PHACTR1: variants seen among roughly 807,000 people sequenced by gnomAD.
PHACTR1 encodes RPEL repeat containing 1.
PHACTR1 carries 16 observed loss-of-function variants against 69.2 expected under a neutral mutation model. The ratio of observed to expected loss-of-function variants is 0.23; its 90% CI spans 0.16 to 0.35. PHACTR1 has a LOEUF of 0.35. PHACTR1 is among the 10% of genes least tolerant of loss of function. The probability of loss-of-function intolerance (pLI) is 1.00; values close to 1 mark genes in which losing one functional copy is unlikely to be tolerated. For missense variants in PHACTR1, 510 were observed against 734.7 expected (o/e 0.69, Z 3.54); for synonymous variants, 312 against 284.5 (o/e 1.10, Z -0.97).
chr6:12,759,654 A>C (rs556762281), intron 4 of PHACTR1, among the ~76,000 whole-genome samples: 1 of 152,192 alleles, frequency 6.6e-6, no homozygotes, highest in Non-Finnish European at 1.5e-5. Context: ...AAGGAAAAAA[A>C]TGAATGTAAT....
intron 4 of PHACTR1, among the ~76,000 whole-genome samples, chr6:12,948,244 C>T (rs1293323095): frequency 2.0e-5 from 3 of 152,068 alleles, no homozygotes; most frequent in Non-Finnish European, 4.4e-5. Context: ...TGTACAGAGC[C>T]CCTGAGATTA....
chr6:12,762,267 A>G (rs1768105242), intron 4 of PHACTR1, among the ~76,000 whole-genome samples: 1 of 152,158 alleles, frequency 6.6e-6, no homozygotes, highest in South Asian at 2.1e-4. Context: ...CTAAACTATG[A>G]ATTTTATTAA....
At chr6:13,257,259 AG>A (rs1197361200) in intron 10 of PHACTR1, among the ~76,000 whole-genome samples, 1 of 152,210 alleles carries the variant, frequency 6.6e-6, no homozygotes, top group Non-Finnish European at 1.5e-5. Context: ...TCAGGAGAAC[AG>A]CACCAAGGGA....
rs529540622 is a variant in PHACTR1, at chr6:13,046,818, A to C, written c.251-6547A>C. Among the ~76,000 whole-genome samples the C allele has an allele frequency of 7.9e-5, 12 of 152,190 alleles. No homozygotes were observed. In the East Asian group the frequency reaches 2.1e-3, roughly 27 times the overall value. ...AACATGTTTTACTCTTTAAAAAAAA[A>C]AAAAATCAAAAAACAACAACAAAAA... On this transcript the variant is annotated intron_variant, in intron 4 of 14. Coordinates refer to ENST00000332995, the MANE Select transcript of PHACTR1 (RefSeq NM_030948.6).
At chr6:13,145,712 G>A (rs904858243) in intron 5 of PHACTR1, among the ~76,000 whole-genome samples, 7 of 152,180 alleles carry the variant, frequency 4.6e-5, no homozygotes, top group African/African-American at 1.7e-4. Flanking sequence ...GAAAGGCCTC[G>A]TGAACACACA....
intron 8 of PHACTR1, among the ~76,000 whole-genome samples, chr6:13,219,435 C>T (rs1048893452): frequency 1.3e-5 from 2 of 152,084 alleles, no homozygotes; most frequent in Non-Finnish European, 2.9e-5. Context: ...ATGGGAGGAG[C>T]GTGGTGGTGA....
At chr6:12,956,037 T>C (rs549410531) in intron 4 of PHACTR1, among the ~76,000 whole-genome samples, 1 of 152,286 alleles carries the variant, frequency 6.6e-6, no homozygotes, top group South Asian at 2.1e-4. Flanking sequence ...CTTACAATAG[T>C]GGAGGAAGGC....
intron 4 of PHACTR1, among the ~76,000 whole-genome samples, chr6:12,890,134 G>A (rs1470670286): frequency 3.3e-5 from 5 of 152,146 alleles, no homozygotes; most frequent in Non-Finnish European, 7.3e-5. Context: ...TCATAGGAAC[G>A]TGAACCCTAT....
intron 3 of PHACTR1, among the ~76,000 whole-genome samples, chr6:12,720,762 GC>G (rs1428321208): frequency 6.6e-6 from 1 of 152,190 alleles, no homozygotes; most frequent in Non-Finnish European, 1.5e-5. Flanking sequence ...CTGTGAATTT[GC>G]ATTTTAAGCA....
At chr6:12,950,172 C>G (rs191376374) in intron 4 of PHACTR1, among the ~76,000 whole-genome samples, 2 of 152,328 alleles carry the variant, frequency 1.3e-5, no homozygotes, top group Admixed American at 6.5e-5. Context: ...CAGGCAGCAA[C>G]TGTTGAAGGG....
At chr6:12,801,405 T>G (rs919403067) in intron 4 of PHACTR1, among the ~76,000 whole-genome samples, 2 of 152,170 alleles carry the variant, frequency 1.3e-5, no homozygotes, top group Admixed American at 6.5e-5. Context: ...CAACTATGTA[T>G]GGCTTGGCCA....
chr6:13,098,645 C>T (rs901420894), intron 5 of PHACTR1, among the ~76,000 whole-genome samples: 56 of 152,220 alleles, frequency 3.7e-4, no homozygotes, highest in Admixed American at 9.8e-4. Flanking sequence ...GTGTCTCCTT[C>T]CTCCGTAAAT....
At chr6:13,098,664 A>C (rs114185611) in intron 5 of PHACTR1, among the ~76,000 whole-genome samples, 2,362 of 152,272 alleles carry the variant, frequency 0.016, 52 homozygotes, top group African/African-American at 0.051. Context: ...ATGGCCTGAC[A>C]TCCACTCTTT....
At chr6:13,260,367 A>C (rs1775747143) in intron 10 of PHACTR1, among the ~76,000 whole-genome samples, 1 of 152,250 alleles carries the variant, frequency 6.6e-6, no homozygotes, top group East Asian at 1.9e-4. Context: ...AAGGGAGTGA[A>C]GGTAAATGAG....
intron 4 of PHACTR1, among the ~76,000 whole-genome samples, chr6:13,025,671 T>TTGTGTGTG (rs60800778): frequency 0.14 from 19,876 of 140,096 alleles, 1,536 homozygotes; most frequent in South Asian, 0.18. Context: ...CATATATTAT[T>TTGTGTGTG]TGTGTGTGTG....
At chr6:12,960,636 A>G (rs1198323930) in intron 4 of PHACTR1, among the ~76,000 whole-genome samples, 1 of 152,212 alleles carries the variant, frequency 6.6e-6, no homozygotes, top group Non-Finnish European at 1.5e-5. Context: ...TTGTCTCCGG[A>G]CAGCCCCAAA....
intron 8 of PHACTR1, among the ~76,000 whole-genome samples, chr6:13,218,793 G>A (rs1435045954): frequency 4.0e-5 from 6 of 150,858 alleles, no homozygotes; most frequent in Non-Finnish European, 8.9e-5. Flanking sequence ...GAAGAAGAAG[G>A]AGGAGGAGAA....
chr6:12,853,107 T>C (rs934309154), intron 4 of PHACTR1, among the ~76,000 whole-genome samples: 8 of 152,210 alleles, frequency 5.3e-5, no homozygotes, highest in African/African-American at 1.7e-4. Flanking sequence ...GCACTGCCTA[T>C]TTCAATTCAA....
intron 4 of PHACTR1, among the ~76,000 whole-genome samples, chr6:12,936,686 C>G (rs1481344824): frequency 6.6e-6 from 1 of 152,220 alleles, no homozygotes; most frequent in Non-Finnish European, 1.5e-5. Context: ...GAAATAGCAT[C>G]TATAGGAAAT....
Sources: gnomAD v4.1 joint callset for allele counts (sites outside exome capture counted in the v4.1 genomes callset) on GRCh38, gnomAD v4.1.1 for gene constraint, MANE v1.5 for transcripts, NCBI Gene and HGNC (gene_info 2026-07-23, HGNC 2026-07-21) for gene names.